The following LYPLAL1 variants were observed in gnomAD, a reference collection of about 807,000 sequenced individuals.
LYPLAL1 encodes lysophospholipase-like protein 1.
Under a neutral mutation model 19.7 loss-of-function variants are expected in LYPLAL1, and 23 were observed. The ratio of observed to expected loss-of-function variants is 1.17; its 90% CI spans 0.84 to 1.65. The LOEUF (loss-of-function observed/expected upper bound fraction) is 1.65, where lower values mean the gene tolerates loss of function less well. LYPLAL1 is among the 40% of genes most tolerant of loss of function. The pLI, the probability that LYPLAL1 is intolerant of heterozygous loss-of-function variation, is 0.00. For synonymous variants in LYPLAL1, 119 were observed against 96.3 expected (o/e 1.24, Z -1.38); for missense variants, 355 against 279.4 (o/e 1.27, Z -1.93).
At chr1:219,210,898 G>T (rs1658980113) in intron 4 of LYPLAL1, among the ~76,000 whole-genome samples, 2 of 152,080 alleles carry the variant, frequency 1.3e-5, no homozygotes, top group Admixed American at 1.3e-4. Flanking sequence ...ATAATCATGT[G>T]TGTGGTTGTG....
the LYPLAL1 span, among the ~76,000 whole-genome samples, chr1:219,277,106 G>A: frequency 1.3e-5 from 2 of 152,128 alleles, no homozygotes; most frequent in African/African-American, 4.8e-5. Context: ...GAAGGGCGCT[G>A]GTCCTTAGAG....
chr1:219,352,500 G>A, the LYPLAL1 span, among the ~76,000 whole-genome samples: 9 of 151,996 alleles, frequency 5.9e-5, no homozygotes, highest in South Asian at 2.1e-4. Context: ...CCTGGGTGAC[G>A]GAGGAGACTC....
the LYPLAL1 span, among the ~76,000 whole-genome samples, chr1:219,355,505 A>T: frequency 3.9e-5 from 6 of 152,218 alleles, no homozygotes; most frequent in African/African-American, 1.2e-4. Context: ...GTCATTCTGT[A>T]TCAAAAAAAA....
In LYPLAL1 at chr1:219,190,883, G is replaced by C. The variant is rs193012358; in HGVS notation, c.192-2199G>C. Among the ~76,000 whole-genome samples, 6 of 151,668 alleles carry C rather than the reference G, an allele frequency of 4.0e-5. No homozygotes were observed. The East Asian group carries it at 1.2e-3, about 29-fold the overall frequency. On this transcript the variant is annotated intron_variant, in intron 2 of 4. Transcript: ENST00000366928. The stretch of plus-strand genomic sequence containing the variant: ...ATAGTCTCACTCAGTAGTTGCTTGG[G>C]AAGGTTACGGGAGTTGCTCGTGAAG...
chr1:219,275,152 T>C, the LYPLAL1 span, among the ~76,000 whole-genome samples: 1 of 152,202 alleles, frequency 6.6e-6, no homozygotes, highest in Admixed American at 6.5e-5. Context: ...TTGTCTTCTG[T>C]ATTTAGGAAA....
the LYPLAL1 span, among the ~76,000 whole-genome samples, chr1:219,415,063 G>C: frequency 6.6e-6 from 1 of 152,070 alleles, no homozygotes; most frequent in Non-Finnish European, 1.5e-5. Flanking sequence ...AATAAAAACA[G>C]GACATATAAA....
chr1:219,437,521 A>C, the LYPLAL1 span, among the ~76,000 whole-genome samples: 2 of 151,816 alleles, frequency 1.3e-5, no homozygotes, highest in African/African-American at 4.8e-5. Flanking sequence ...CTCCCTCCCT[A>C]CATTTCCATA....
the LYPLAL1 span, among the ~76,000 whole-genome samples, chr1:219,434,527 A>AAC: frequency 4.6e-5 from 7 of 152,346 alleles, no homozygotes; most frequent in South Asian, 1.4e-3. Context: ...CAAGAACAGC[A>AAC]GTTGGACTCC....
the LYPLAL1 span, among the ~76,000 whole-genome samples, chr1:219,432,212 AC>A: frequency 1.3e-3 from 203 of 152,230 alleles, no homozygotes; most frequent in African/African-American, 4.7e-3. Context: ...CTGAAATGTT[AC>A]CCCCTGCTGG....
chr1:219,275,914 C>G, the LYPLAL1 span, among the ~76,000 whole-genome samples: 1 of 152,138 alleles, frequency 6.6e-6, no homozygotes, highest in African/African-American at 2.4e-5. Context: ...CTACTTTTAA[C>G]TACTCTTGAA....
the LYPLAL1 span, among the ~76,000 whole-genome samples, chr1:219,242,300 C>T: frequency 6.6e-6 from 1 of 152,124 alleles, no homozygotes; most frequent in Non-Finnish European, 1.5e-5. Flanking sequence ...CTTAAACCAA[C>T]CACTGGTCTC....
chr1:219,295,791 C>T, the LYPLAL1 span, among the ~76,000 whole-genome samples: 4 of 152,170 alleles, frequency 2.6e-5, no homozygotes, highest in African/African-American at 9.7e-5. Context: ...TTAAATTTCT[C>T]TTTTGCTTAC....
the LYPLAL1 span, among the ~76,000 whole-genome samples, chr1:219,285,553 C>T: frequency 6.6e-6 from 1 of 152,194 alleles, no homozygotes; most frequent in Non-Finnish European, 1.5e-5. Context: ...GAATCGAGTA[C>T]TGACGTATAG....
At chr1:219,417,933 A>G in the LYPLAL1 span, among the ~76,000 whole-genome samples, 112,302 of 152,224 alleles carry the variant, frequency 0.74, 42,044 homozygotes, top group Non-Finnish European at 0.81. Context: ...CTCCCTTACT[A>G]TATCAAGAAT....
At chr1:219,377,660 T>C in the LYPLAL1 span, among the ~76,000 whole-genome samples, 4 of 152,146 alleles carry the variant, frequency 2.6e-5, no homozygotes, top group East Asian at 7.7e-4. Flanking sequence ...ATATAATGGA[T>C]ACTTATCTAA....
chr1:219,326,241 G>T, the LYPLAL1 span, among the ~76,000 whole-genome samples: 27 of 123,638 alleles, frequency 2.2e-4, no homozygotes, highest in Admixed American at 4.5e-4. Flanking sequence ...CCCAAATCTT[G>T]ATCCTACTAA....
At chr1:219,336,410 A>G in the LYPLAL1 span, among the ~76,000 whole-genome samples, 1 of 151,928 alleles carries the variant, frequency 6.6e-6, no homozygotes, top group South Asian at 2.1e-4. Flanking sequence ...TTATTGTGTT[A>G]TGTGAGGATT....
chr1:219,205,273 C>T (rs1288855085), intron 3 of LYPLAL1, among the ~76,000 whole-genome samples: 2 of 148,204 alleles, frequency 1.3e-5, no homozygotes, highest in Non-Finnish European at 3.0e-5. Context: ...AGGAGAATGG[C>T]GTGAACCCGG....
chr1:219,406,363 A>G, the LYPLAL1 span, among the ~76,000 whole-genome samples: 8 of 152,320 alleles, frequency 5.3e-5, no homozygotes, highest in East Asian at 1.5e-3. Flanking sequence ...AAGCAAGTTT[A>G]TCTCTGTGGT....
Sources: allele counts gnomAD v4.1 joint callset (sites outside exome capture counted in the v4.1 genomes callset), GRCh38; gene constraint gnomAD v4.1.1; transcripts MANE v1.5; gene names NCBI Gene and HGNC (gene_info 2026-07-23, HGNC 2026-07-21).